The following SLFN14 variants were observed in gnomAD, a reference collection of about 807,000 sequenced individuals.
The protein encoded by SLFN14 is protein SLFN14.
SLFN14 carries 47 observed loss-of-function variants against 58.6 expected under a neutral mutation model. That is an observed-to-expected ratio of 0.80 (90% CI 0.64 to 1.02). The LOEUF is 1.02. SLFN14 is among the 50% of genes least tolerant of loss of function. The probability of loss-of-function intolerance (pLI) is 0.00; values close to 1 mark genes in which losing one functional copy is unlikely to be tolerated. For missense variants in SLFN14, 967 were observed against 1,078.4 expected, an observed-to-expected ratio of 0.90 and a Z score of 1.45; for synonymous variants, 390 against 387.3, an observed-to-expected ratio of 1.01 and a Z score of -0.08.
intron 3 of SLFN14, among the ~76,000 whole-genome samples, chr17:35,556,117 A>C (rs1029880776): frequency 1.3e-5 from 2 of 151,828 alleles, no homozygotes; most frequent in African/African-American, 4.8e-5. Flanking sequence ...GGCTGACTAC[A>C]ACCTCCACCT....
At chr17:35,549,313 C>A (rs867716333) in intron 5 of SLFN14, among the ~76,000 whole-genome samples, 1 of 152,190 alleles carries the variant, frequency 6.6e-6, no homozygotes, top group Non-Finnish European at 1.5e-5. Flanking sequence ...CTGAAATGAA[C>A]CCAGGTAACA....
At position 35,548,908 on chromosome 17, in the gene SLFN14, TC is replaced by T; in HGVS notation, c.2069del (p.Gly690GlufsTer49). ...NITHPKAKGT[G>X]SENLHHGILW... ...GAATCCCATGGTGAAGGTTTTCACT[TC>T]CAGTCCCCTTCGCCTTTGGATGGGT... On this transcript the variant is annotated frameshift_variant, in exon 6 of 6. Transcript: ENST00000674182. LOFTEE classifies it low-confidence loss of function (END_TRUNC). 6.4e-7 allele frequency: 1 copy of T among 1,551,736 alleles called. No homozygotes were observed. Among genetic ancestry groups the T allele is most frequent in the Non-Finnish European group, 8.7e-7 (1 of 1,146,994 alleles).
chr17:35,556,226 T>C (rs915912125), intron 3 of SLFN14, among the ~76,000 whole-genome samples: 2 of 151,822 alleles, frequency 1.3e-5, no homozygotes, highest in Admixed American at 6.6e-5. Flanking sequence ...GGGGGAGAGA[T>C]AGGGCTTCGC....
intron 5 of SLFN14, among the ~76,000 whole-genome samples, 189 bp downstream of exon 5, chr17:35,552,541 C>T (rs903073218): frequency 1.3e-5 from 2 of 151,588 alleles, no homozygotes; most frequent in Non-Finnish European, 2.9e-5. Context: ...TCTTTGGGTC[C>T]CCTCCCTTTG....
chr17:35,555,819 T>C (rs1258801826), intron 3 of SLFN14, among the ~76,000 whole-genome samples: 1 of 152,180 alleles, frequency 6.6e-6, no homozygotes, highest in Non-Finnish European at 1.5e-5. Context: ...CAATCAAAAC[T>C]GAAAGGTAAG....
Position 35,556,879 on chromosome 17 carries a change from G to A in SLFN14, c.1060+124C>T. Reference sequence around the variant, plus strand: ...ATGTTAGATAAGGAACACTGTAATGGGAGAACACTTATAAGAAAAATAAAT... The same window carrying A: ...ATGTTAGATAAGGAACACTGTAATGAGAGAACACTTATAAGAAAAATAAAT... On this transcript the variant is annotated intron_variant, in intron 3 of 5. Coordinates refer to ENST00000674182, the MANE Select transcript of SLFN14 (RefSeq NM_001129820.2). 1.8e-5 allele frequency: 16 copies of A among 895,510 alleles called. No individual in the cohort carries two copies. In the South Asian group the frequency reaches 2.5e-4, roughly 14 times the overall value. 55.5% of individuals were successfully genotyped at this position (895,510 alleles called of 1,614,324 possible).
chr17:35,556,871 C>G, intron 3 of SLFN14, 132 bp downstream of exon 3: 1 of 844,750 alleles, frequency 1.2e-6, no homozygotes, highest in Non-Finnish European at 1.8e-6. Flanking sequence ...ATAAGGAACA[C>G]TGTAATGGGA....
rs1266882196 is a variant in SLFN14 at position 35,558,092 on chromosome 17, A to G, written c.-30T>C. The G allele has an allele frequency of 1.3e-6, 2 of 1,515,684 alleles. No individual in the cohort carries two copies. Among genetic ancestry groups the G allele is most frequent in the Non-Finnish European group, 1.8e-6 (2 of 1,125,662 alleles). The allele number at this position is 1,515,684 out of a possible 1,614,324, so 93.9% of individuals were successfully genotyped here. On this transcript the variant is annotated 5_prime_UTR_variant, in exon 3 of 6. Coordinates refer to ENST00000674182, the MANE Select transcript of SLFN14 (RefSeq NM_001129820.2). Reference sequence around the variant, plus strand: ...GCAGCCCCTCTGTGCTCCAAACAATAAAAGAAAGGAGTTCCTATAATCAGG... The same window carrying G: ...GCAGCCCCTCTGTGCTCCAAACAATGAAAGAAAGGAGTTCCTATAATCAGG...
At chr17:35,558,247 T>A (rs2072672596) in intron 2 of SLFN14, 141 bp from the exon 3 acceptor site, 2 of 683,298 alleles carry the variant, frequency 2.9e-6, no homozygotes, top group Non-Finnish European at 4.7e-6. Context: ...GTTGTTGTTG[T>A]TTGTTTTGGG....
intron 5 of SLFN14, among the ~76,000 whole-genome samples, chr17:35,551,818 A>C (rs1345381193): frequency 2.0e-5 from 3 of 152,206 alleles, no homozygotes; most frequent in African/African-American, 7.2e-5. Flanking sequence ...GAAATTCGAG[A>C]TCGAATACAA....
rs2072615756 is a variant in SLFN14 at position 35,553,342 on chromosome 17, C to A, written c.1292G>T (p.Cys431Phe). The change falls in exon 5 of 6, where the codon TGT (cysteine) becomes TTT (phenylalanine). Residue 431 changes from cysteine to phenylalanine, a missense_variant. Cys to Phe is a radical substitution (Grantham distance 205). Coordinates refer to ENST00000674182, the MANE Select transcript of SLFN14 (RefSeq NM_001129820.2). The stretch of plus-strand genomic sequence containing the variant: ...AGAAAATATCACAATCCCCTGAGAA[C>A]AAGGATGTATCAGGGTCTTCATTAA... ...EGLMKTLIHP[C>F]SQGIVIFSRS... 1 of 1,551,478 alleles carries A rather than the reference C, an allele frequency of 6.4e-7. No homozygotes were observed. Among genetic ancestry groups the A allele is most frequent in the Non-Finnish European group, 8.7e-7 (1 of 1,146,968 alleles).
In SLFN14 at chr17:35,557,174, G is replaced by C; in HGVS notation, c.889C>G (p.Leu297Val). The part of the protein sequence containing the change: ...KPKVNFTTKI[L>V]NVYQKDVLDG... ...AGGACATCTTTTTGGTACACATTCA[G>C]GATTTTTGTAGTGAAATTTACCTTT... Residue 297 changes from leucine to valine, a missense_variant, in exon 3 of 6, where the codon CTG becomes GTG. Physicochemically the swap from Leu to Val is conservative, Grantham distance 32. Coordinates refer to ENST00000674182, the MANE Select transcript of SLFN14 (RefSeq NM_001129820.2). The C allele has an allele frequency of 1.3e-6, 2 of 1,551,676 alleles. No individual in the cohort carries two copies. The highest frequency in any genetic ancestry group is 4.9e-5 in the East Asian group (2 of 40,918).
chr17:35,552,483 C>A (rs745733987), intron 5 of SLFN14, among the ~76,000 whole-genome samples: 3 of 151,950 alleles, frequency 2.0e-5, no homozygotes, highest in Non-Finnish European at 4.4e-5. Flanking sequence ...GCAGGAGGGA[C>A]AATGATCGGG....
At position 35,547,235 on chromosome 17, in the gene SLFN14, G is replaced by T. The variant is rs757571296; in HGVS notation, c.*1004C>A. Reference sequence around the variant, plus strand: ...TAGTCATCCTTAGCATTCTAAATTTGCTTTAGCTTGTAAACTGTAAACTAA... The same window carrying T: ...TAGTCATCCTTAGCATTCTAAATTTTCTTTAGCTTGTAAACTGTAAACTAA... On this transcript the variant is annotated 3_prime_UTR_variant, in exon 6 of 6. Transcript: ENST00000674182. Among the ~76,000 whole-genome samples the T allele has an allele frequency of 4.6e-5, 7 of 152,170 alleles. No individual in the cohort carries two copies. The highest frequency in any genetic ancestry group is 2.9e-5 in the Non-Finnish European group (2 of 68,026).
intron 5 of SLFN14, 128 bp from the exon 6 acceptor site, chr17:35,549,201 A>G (rs922822501): frequency 1.5e-5 from 11 of 729,146 alleles, no homozygotes; most frequent in East Asian, 2.7e-5. Flanking sequence ...AGTAGTGTGA[A>G]TACCACAAAA....
chr17:35,557,163 G>A lies in SLFN14; in HGVS notation c.900C>T (p.Tyr300=), dbSNP rs2142211106. 1 of 1,551,666 alleles carries A rather than the reference G, an allele frequency of 6.4e-7. No individual in the cohort carries two copies. Among genetic ancestry groups the A allele is most frequent in the Non-Finnish European group, 8.7e-7 (1 of 1,146,990 alleles). The change falls in exon 3 of 6, where the codon TAC becomes TAT. Residue 300 remains tyrosine, a synonymous_variant. Coordinates refer to ENST00000674182, the MANE Select transcript of SLFN14 (RefSeq NM_001129820.2). ...VNFTTKILNV[Y]QKDVLDGYVC... ...CATAACCATCCAGGACATCTTTTTG[G>A]TACACATTCAGGATTTTTGTAGTGA... is the stretch of plus-strand genomic sequence containing the variant.
In SLFN14 at chr17:35,553,074, A is replaced by G. The variant is rs1487093154; in HGVS notation, c.1560T>C (p.Ser520=). ...PRLIHLSSTQ[S]RPGEIPLRYP... ...AACGCAGGGGGATCTCACCAGGTCTACTCTGTGTGCTGCTCAGGTGTATCA... is the reference window on the plus strand; with the variant it reads ...AACGCAGGGGGATCTCACCAGGTCTGCTCTGTGTGCTGCTCAGGTGTATCA... The change falls in exon 5 of 6, where the codon AGT becomes AGC. Residue 520 remains serine (S), a synonymous_variant. Coordinates refer to ENST00000674182, the MANE Select transcript of SLFN14 (RefSeq NM_001129820.2). 1 of 1,551,346 alleles carries G rather than the reference A, an allele frequency of 6.4e-7. No individual in the cohort carries two copies. Among genetic ancestry groups the G allele is most frequent in the Admixed American group, 2.0e-5 (1 of 50,966 alleles).
chr17:35,547,999 G>A lies in SLFN14; in HGVS notation c.*240C>T. 1.9e-6 allele frequency: 1 copy of A among 517,276 alleles called. No homozygotes were observed. The highest frequency in any genetic ancestry group is 2.7e-5 in the South Asian group (1 of 37,126). The allele number at this position is 517,276 out of a possible 1,614,324, so 32.0% of individuals were successfully genotyped here. ...ACAGCTGGATTGAGTGGGAAAGCTG[G>A]AGACAGGGGACTAATGAAGTCTATT... On this transcript the variant is annotated 3_prime_UTR_variant, in exon 6 of 6. Coordinates refer to ENST00000674182, the MANE Select transcript of SLFN14 (RefSeq NM_001129820.2).
chr17:35,554,748 G>C (rs750915121), intron 3 of SLFN14, 44 bp from the exon 4 acceptor site: 81 of 933,182 alleles, frequency 8.7e-5, no homozygotes, highest in Admixed American at 5.1e-4. Context: ...AAAATAAAAA[G>C]TTAAAAAAAA....
Sources: allele counts gnomAD v4.1 joint callset (sites outside exome capture counted in the v4.1 genomes callset), GRCh38; gene constraint gnomAD v4.1.1; transcripts MANE v1.5; gene names NCBI Gene and HGNC (gene_info 2026-07-23, HGNC 2026-07-21).